Variants in RNF126 observed in about 807,000 individuals in gnomAD.
The protein encoded by RNF126 is E3 ubiquitin-protein ligase RNF126.
In RNF126, 20 loss-of-function variants were observed where a neutral mutation model predicts 41.9. The ratio of observed to expected loss-of-function variants is 0.48; its 90% CI spans 0.34 to 0.69. The LOEUF (loss-of-function observed/expected upper bound fraction) is 0.69, where lower values mean the gene tolerates loss of function less well. RNF126 is among the 30% of genes least tolerant of loss of function. The pLI is 0.01. For missense variants in RNF126, 433 were observed against 460.6 expected, an observed-to-expected ratio of 0.94 and a Z score of 0.55; for synonymous variants, 239 against 202.9, an observed-to-expected ratio of 1.18 and a Z score of -1.51.
In RNF126 at chr19:647,948, C is replaced by T. The variant is rs1355783852; in HGVS notation, c.*180G>A. On this transcript the variant is annotated 3_prime_UTR_variant, in exon 9 of 9. Coordinates refer to ENST00000292363, the MANE Select transcript of RNF126 (RefSeq NM_194460.3). ...GCCCCAGAGGGGACCATGTGGCCCA[C>T]GCCTTCCCAAGCCAGGGGGCCGGTG... The T allele has an allele frequency of 1.9e-5, 14 of 737,142 alleles. No homozygotes were observed. Among genetic ancestry groups the T allele is most frequent in the Non-Finnish European group, 2.8e-5 (13 of 461,410 alleles). 45.7% of individuals were successfully genotyped at this position (737,142 alleles called of 1,614,324 possible).
At chr19:662,592 G>A (rs1207342259) in intron 1 of RNF126, among the ~76,000 whole-genome samples, 3 of 152,108 alleles carry the variant, frequency 2.0e-5, no homozygotes, top group Non-Finnish European at 4.4e-5. Flanking sequence ...GGGTCCCCTG[G>A]CGTTATTCTC....
chr19:648,360 C>CGG lies in RNF126; in HGVS notation c.786+10_786+11dup. 3 of 302,276 alleles carry CGG rather than the reference C, an allele frequency of 9.9e-6. No individual in the cohort carries two copies. Among genetic ancestry groups the CGG allele is most frequent in the Non-Finnish European group, 1.5e-5 (3 of 205,048 alleles). 18.7% of individuals were successfully genotyped at this position (302,276 alleles called of 1,614,324 possible). A position where few individuals can be genotyped will look rare whatever the true frequency, so the allele number is the denominator to read the frequency against. On this transcript the variant is annotated intron_variant, in intron 8 of 8. Transcript: ENST00000292363. ...CGGTCGGGGTGGGGGGGCGGGTGGG[C>CGG]GGGGCACTCACCTGCTCCAGCCAGG...
rs1253444188 is a variant in RNF126 at position 649,756 on chromosome 19, T to G, written c.507-8A>C. The G allele has an allele frequency of 6.4e-7, 1 of 1,559,770 alleles. No individual in the cohort carries two copies. On this transcript the variant is annotated splice_polypyrimidine_tract_variant and splice_region_variant and intron_variant, in intron 5 of 8. Coordinates refer to ENST00000292363, the MANE Select transcript of RNF126 (RefSeq NM_194460.3). ...TTTGAGTGCAGGACTCCCCTGGAGG[T>G]GGAAGGTGGGGTTCAAGTGGCTGAC...
At chr19:648,570 C>T (rs1239241690) in intron 7 of RNF126, 83 bp from the exon 8 acceptor site, 26 of 1,147,938 alleles carry the variant, frequency 2.3e-5, no homozygotes, top group Admixed American at 4.0e-5. Context: ...CAGCCTCAGC[C>T]GGAGGCCGCC....
rs1033489224 is a variant in RNF126, at chr19:659,242, A to C, written c.75+3805T>G. 6.6e-6 allele frequency among the ~76,000 whole-genome samples: 1 copy of C among 152,108 alleles called. No homozygotes were observed. Among genetic ancestry groups the C allele is most frequent in the Non-Finnish European group, 1.5e-5 (1 of 67,990 alleles). ...CTGAAGACTCGGGCCAGGCCGCCGC[A>C]GGGACCAGGAGAAGACAGGGTGGGC... is the stretch of plus-strand genomic sequence containing the variant. On this transcript the variant is annotated intron_variant, in intron 1 of 8. Coordinates refer to ENST00000292363, the MANE Select transcript of RNF126 (RefSeq NM_194460.3). This position sits in a 1 kb window ranked among gnomAD's most constrained non-coding sequence, Gnocchi z 4.9.
chr19:658,045 T>C (rs1483685569), intron 1 of RNF126, among the ~76,000 whole-genome samples: 13 of 151,958 alleles, frequency 8.6e-5, no homozygotes, highest in Admixed American at 7.9e-4. Flanking sequence ...AGAGGCCCCA[T>C]TGGAGCCTCT....
chr19:649,642 C>T (rs745734878), intron 6 of RNF126, 37 bp downstream of exon 6: 3 of 1,527,470 alleles, frequency 2.0e-6, no homozygotes, highest in South Asian at 2.4e-5. Context: ...GCCCAGCCCT[C>T]CCCCAGCAGG....
chr19:651,241 C>T lies in RNF126; in HGVS notation c.443+370G>A, dbSNP rs547697470. 7.5e-5 allele frequency: 13 copies of T among 172,364 alleles called. No homozygotes were observed. In the East Asian group the frequency reaches 8.2e-4, roughly 11 times the overall value. The allele number at this position is 172,364 out of a possible 1,614,324, so 10.7% of individuals were successfully genotyped here. On this transcript the variant is annotated intron_variant, in intron 4 of 8. Transcript: ENST00000292363. Reference sequence around the variant, plus strand: ...CCGTTCCACCAGGAGTGGGGCCCTGCGACGGCTCCCCCAGGCTCCGTTCCA... The same window carrying T: ...CCGTTCCACCAGGAGTGGGGCCCTGTGACGGCTCCCCCAGGCTCCGTTCCA...
rs1010107549 is a variant in RNF126 at position 651,821 on chromosome 19, C to T, written c.233G>A (p.Gly78Asp). The change falls in exon 4 of 9, where the codon GGC (glycine) becomes GAC (aspartate). Residue 78 changes from glycine to aspartate, a missense_variant. By Grantham distance (94) the Gly-to-Asp change is moderately conservative. Transcript: ENST00000292363. ...GATGCCGAAAGCAAACTGTCCGTAGCCCTGCGGCAGCGTGAACAGGTGCTG... is the reference window on the plus strand; with the variant it reads ...GATGCCGAAAGCAAACTGTCCGTAGTCCTGCGGCAGCGTGAACAGGTGCTG... ...VDQHLFTLPQ[G>D]YGQFAFGIFD... The T allele has an allele frequency of 1.2e-6, 2 of 1,612,176 alleles. No individual in the cohort carries two copies. The highest frequency in any genetic ancestry group is 2.2e-5 in the East Asian group (1 of 44,852).
intron 1 of RNF126, among the ~76,000 whole-genome samples, chr19:658,578 G>A (rs2030663459): frequency 6.6e-6 from 1 of 152,158 alleles, no homozygotes; most frequent in African/African-American, 2.4e-5. Context: ...AGAGGCACGG[G>A]CACGTGCGGC....
In RNF126 at chr19:652,296, C is replaced by A; in HGVS notation, c.135G>T (p.Arg45Ser). The A allele has an allele frequency of 1.3e-6, 2 of 1,558,660 alleles. No homozygotes were observed. The highest frequency in any genetic ancestry group is 1.7e-6 in the Non-Finnish European group (2 of 1,158,266). The change falls in exon 3 of 9, where the codon AGG (arginine) becomes AGT (serine). Residue 45 changes from arginine (R) to serine (S), a missense_variant and splice_region_variant. Coordinates refer to ENST00000292363, the MANE Select transcript of RNF126 (RefSeq NM_194460.3). The stretch of plus-strand genomic sequence containing the variant: ...AGGGGGCAGAACCATTTTCTGTGCT[C>A]CTGGGGAGAGAGTGCAGGTCAGCAG... ...GFIEELPEET[R>S]STENGSAPST...
At chr19:656,718 T>C (rs541036203) in intron 1 of RNF126, among the ~76,000 whole-genome samples, 1 of 152,168 alleles carries the variant, frequency 6.6e-6, no homozygotes, top group South Asian at 2.1e-4. Context: ...CTGAGCTTAG[T>C]GTGGGAGCAG....
chr19:652,610 G>A (rs933241124), intron 2 of RNF126: 5 of 611,294 alleles, frequency 8.2e-6, no homozygotes, highest in Middle Eastern at 4.3e-4. Flanking sequence ...GTGAGCGGCT[G>A]CACAGGTTGC....
intron 1 of RNF126, among the ~76,000 whole-genome samples, chr19:654,371 G>A (rs530265561): frequency 3.3e-5 from 5 of 152,368 alleles, no homozygotes; most frequent in South Asian, 2.1e-4. Flanking sequence ...CCGGGGGCGC[G>A]GTGGCTCAGG....
rs1399673158 is a variant in RNF126, at chr19:647,673, C to T, written c.*455G>A. Reference sequence around the variant, plus strand: ...CCCTACTCCGGGTCGTGGAGGCGGCCGAGGGGGAGGCTGGGGGCCCACGTG... The same window carrying T: ...CCCTACTCCGGGTCGTGGAGGCGGCTGAGGGGGAGGCTGGGGGCCCACGTG... On this transcript the variant is annotated 3_prime_UTR_variant, in exon 9 of 9. Transcript: ENST00000292363. The T allele has an allele frequency of 2.0e-5, 4 of 202,500 alleles. No homozygotes were observed. Among genetic ancestry groups the T allele is most frequent in the South Asian group, 6.2e-5 (1 of 16,086 alleles). 12.5% of individuals were successfully genotyped at this position (202,500 alleles called of 1,614,324 possible). A position where few individuals can be genotyped will look rare whatever the true frequency, so the allele number is the denominator to read the frequency against.
Position 659,921 on chromosome 19 carries a change from G to T in RNF126, c.75+3126C>A, listed in dbSNP as rs530186547. On this transcript the variant is annotated intron_variant, in intron 1 of 8. Coordinates refer to ENST00000292363, the MANE Select transcript of RNF126 (RefSeq NM_194460.3). The surrounding 1 kb of genome is among the most constrained non-coding windows in gnomAD (Gnocchi z 4.9). ...TGGGACTACAGGTGCCTGCCACCAC[G>T]CCTGGCCAATCTTTTGTATTTTTAG... is the stretch of plus-strand genomic sequence containing the variant. Among the ~76,000 whole-genome samples the T allele has an allele frequency of 1.6e-3, 238 of 152,186 alleles. 2 individuals are homozygous for T. Among genetic ancestry groups the T allele is most frequent in the African/African-American group, 5.5e-3 (230 of 41,520 alleles).
rs898161876 is a variant in RNF126 at position 647,864 on chromosome 19, C to T, written c.*264G>A. 9.4e-6 allele frequency: 6 copies of T among 635,020 alleles called. No individual in the cohort carries two copies. Among genetic ancestry groups the T allele is most frequent in the African/African-American group, 9.2e-5 (5 of 54,426 alleles). 39.3% of individuals were successfully genotyped at this position (635,020 alleles called of 1,614,324 possible). A position where few individuals can be genotyped will look rare whatever the true frequency, so the allele number is the denominator to read the frequency against. ...AGTAATAATTTAAAATTATAAAAAT[C>T]TTTCCACCGCTGAACGTTTAGAGGG... On this transcript the variant is annotated 3_prime_UTR_variant, in exon 9 of 9. Coordinates refer to ENST00000292363, the MANE Select transcript of RNF126 (RefSeq NM_194460.3).
intron 1 of RNF126, among the ~76,000 whole-genome samples, chr19:662,543 G>A (rs2030849929): frequency 6.6e-6 from 1 of 152,138 alleles, no homozygotes. Flanking sequence ...AGGCGAGCCT[G>A]CAGCGAGGCG....
chr19:647,898 G>C lies in RNF126; in HGVS notation c.*230C>G, dbSNP rs749822416. 1 of 645,230 alleles carries C rather than the reference G, an allele frequency of 1.5e-6. No homozygotes were observed. The allele number at this position is 645,230 out of a possible 1,614,324, so 40.0% of individuals were successfully genotyped here. A position where few individuals can be genotyped will look rare whatever the true frequency, so the allele number is the denominator to read the frequency against. On this transcript the variant is annotated 3_prime_UTR_variant, in exon 9 of 9. Coordinates refer to ENST00000292363, the MANE Select transcript of RNF126 (RefSeq NM_194460.3). ...GCTGAACGTTTAGAGGGTGAGGTTA[G>C]ACAGAGGACGGGGAGGCTGGGGACG...
Sources: gnomAD v4.1 joint callset for allele counts (sites outside exome capture counted in the v4.1 genomes callset) on GRCh38, gnomAD v4.1.1 for gene constraint, Gnocchi (gnomAD v3.1) non-coding constraint, MANE v1.5 for transcripts, NCBI Gene and HGNC (gene_info 2026-07-23, HGNC 2026-07-21) for gene names.